The following NCOA1 variants were observed in gnomAD, a reference collection of about 807,000 sequenced individuals.
The protein encoded by NCOA1 is nuclear receptor coactivator 1.
A neutral mutation model predicts 150.9 loss-of-function variants in NCOA1; 35 were observed. That is an observed-to-expected ratio of 0.23 (90% CI 0.18 to 0.31). The LOEUF is 0.31. Ranked by LOEUF, NCOA1 falls within the 10% of genes least tolerant of loss-of-function variation. The pLI is 1.00. For synonymous variants in NCOA1, 590 were observed against 630.0 expected, an observed-to-expected ratio of 0.94 and a Z score of 0.95; for missense variants, 1,491 against 1,749.3, an observed-to-expected ratio of 0.85 and a Z score of 2.63.
chr2:24,697,079 T>A (rs1192723406), intron 10 of NCOA1, among the ~76,000 whole-genome samples: 1 of 152,112 alleles, frequency 6.6e-6, no homozygotes, highest in Non-Finnish European at 1.5e-5. Flanking sequence ...CTAAATTTTA[T>A]AAAGCGTATG....
intron 16 of NCOA1, among the ~76,000 whole-genome samples, chr2:24,729,132 C>A (rs989794867): frequency 2.0e-5 from 3 of 152,128 alleles, no homozygotes; most frequent in African/African-American, 7.2e-5. Flanking sequence ...AATTTTATAT[C>A]TGAGATAGAA....
intron 1 of NCOA1, among the ~76,000 whole-genome samples, chr2:24,508,840 A>G (rs1572361780): frequency 6.6e-6 from 1 of 152,306 alleles, no homozygotes; most frequent in East Asian, 1.9e-4. Flanking sequence ...AGACACACAA[A>G]ATCTCTGGTT....
chr2:24,723,492 G>C (rs1452567650), intron 14 of NCOA1, among the ~76,000 whole-genome samples: 1 of 152,170 alleles, frequency 6.6e-6, no homozygotes, highest in East Asian at 1.9e-4. Flanking sequence ...TTGCCAAATA[G>C]TCCTTTCCAG....
intron 20 of NCOA1, among the ~76,000 whole-genome samples, chr2:24,754,495 T>C (rs1572687062): frequency 6.6e-6 from 1 of 152,344 alleles, no homozygotes; most frequent in Middle Eastern, 3.4e-3. Context: ...TCTGCTGGAA[T>C]GTTCTTCCCT....
chr2:24,638,866 G>T lies in NCOA1; in HGVS notation c.-174-5100G>T, dbSNP rs190685464. ...TCAGATTGTTGTTGTTGTTGTTGCT[G>T]TTGAGATATTTGAGTTCCTTGTATA... On this transcript the variant is annotated intron_variant, in intron 3 of 22. Coordinates refer to ENST00000348332, the MANE Select transcript of NCOA1 (RefSeq NM_003743.5). 5.8e-3 allele frequency among the ~76,000 whole-genome samples: 886 copies of T among 152,224 alleles called. 5 individuals are homozygous for T. The highest frequency in any genetic ancestry group is 0.017 in the Middle Eastern group (5 of 294).
rs1023979528 is a variant in NCOA1 at position 24,610,125 on chromosome 2, T to C, written c.-175+25565T>C. ...TTCTTTGTGACTATAGGCTGCATTC[T>C]TTTTTTTTTTTTTTTTTTTTTGAGA... On this transcript the variant is annotated intron_variant, in intron 3 of 22. Coordinates refer to ENST00000348332, the MANE Select transcript of NCOA1 (RefSeq NM_003743.5). Among the ~76,000 whole-genome samples, 34 of 79,360 alleles carry C rather than the reference T, an allele frequency of 4.3e-4. 1 individual carries two copies. The highest frequency in any genetic ancestry group is 1.4e-3 in the African/African-American group (34 of 23,596). The allele number at this position is 79,360 out of a possible 152,430, so 52.1% of individuals were successfully genotyped here. A position where few individuals can be genotyped will look rare whatever the true frequency, so the allele number is the denominator to read the frequency against.
intron 1 of NCOA1, among the ~76,000 whole-genome samples, chr2:24,553,748 T>C (rs1389182696): frequency 6.6e-6 from 1 of 152,180 alleles, no homozygotes; most frequent in East Asian, 1.9e-4. Flanking sequence ...AGTTTTCTTG[T>C]AGTTTGTTTT....
intron 14 of NCOA1, among the ~76,000 whole-genome samples, chr2:24,723,447 G>A (rs2148629249): frequency 6.6e-6 from 1 of 152,306 alleles, no homozygotes; most frequent in Admixed American, 6.5e-5. Context: ...TGAGATACAA[G>A]TTCTGAATAG....
At chr2:24,608,343 C>T (rs1027179281) in intron 3 of NCOA1, among the ~76,000 whole-genome samples, 8 of 150,038 alleles carry the variant, frequency 5.3e-5, no homozygotes, top group Non-Finnish European at 1.2e-4. Context: ...TGCAGTGGTG[C>T]GATCTCTGCT....
At chr2:24,549,637 G>T (rs548526910) in intron 1 of NCOA1, among the ~76,000 whole-genome samples, 3 of 152,150 alleles carry the variant, frequency 2.0e-5, no homozygotes, top group Non-Finnish European at 4.4e-5. Flanking sequence ...CGCAATCTGG[G>T]CTCACTGCAA....
rs568414881 is a variant in NCOA1, at chr2:24,528,362, T to C, written c.-395-35933T>C. On this transcript the variant is annotated intron_variant, in intron 1 of 22. Coordinates refer to ENST00000348332, the MANE Select transcript of NCOA1 (RefSeq NM_003743.5). ...TTTCATTCTTTTTTTTTTTTTTTTT[T>C]CTGAGACAAGGTCTTGCTTTGTTGC... 2.3e-4 allele frequency among the ~76,000 whole-genome samples: 35 copies of C among 150,864 alleles called. No individual in the cohort carries two copies. In the East Asian group the frequency reaches 2.9e-3, roughly 13 times the overall value.
At chr2:24,509,403 A>G (rs1446421768) in intron 1 of NCOA1, among the ~76,000 whole-genome samples, 2 of 152,216 alleles carry the variant, frequency 1.3e-5, no homozygotes, top group East Asian at 1.9e-4. Context: ...TTGGGGGTCA[A>G]TTAGATGTTG....
chr2:24,531,925 A>G (rs1179339520), intron 1 of NCOA1, among the ~76,000 whole-genome samples: 1 of 152,174 alleles, frequency 6.6e-6, no homozygotes, highest in African/African-American at 2.4e-5. Flanking sequence ...ATACGTGTGC[A>G]TGTGTCTTTA....
intron 3 of NCOA1, among the ~76,000 whole-genome samples, chr2:24,619,007 C>A (rs1364995590): frequency 6.6e-6 from 1 of 152,150 alleles, no homozygotes; most frequent in Non-Finnish European, 1.5e-5. Flanking sequence ...ATGTTACTTA[C>A]TACTTATGTT....
chr2:24,661,855 A>C (rs976669879), intron 5 of NCOA1, among the ~76,000 whole-genome samples: 10 of 152,116 alleles, frequency 6.6e-5, no homozygotes, highest in Non-Finnish European at 1.5e-4. Context: ...GAATCTTCTT[A>C]TGTGTTTTAA....
rs762795122 is a variant in NCOA1, at chr2:24,710,976, G to A, written c.2464G>A (p.Glu822Lys). 9 of 1,614,156 alleles carry A rather than the reference G, an allele frequency of 5.6e-6. No individual in the cohort carries two copies. In the South Asian group the frequency reaches 9.9e-5, roughly 18 times the overall value. The change falls in exon 14 of 23, where the codon GAG becomes AAG. Residue 822 changes from glutamate to lysine, a missense_variant. Around this residue, in one of 8 missense-constraint regions of NCOA1, gnomAD observed 703 missense variants for 717.7 expected, o/e 0.98. Coordinates refer to ENST00000348332, the MANE Select transcript of NCOA1 (RefSeq NM_003743.5). ...DQFDQLLPTL[E>K]KAAQLPGLCE... ...GTTTGATCAGTTACTGCCCACGCTG[G>A]AGAAGGCAGCACAGTTGCCAGGCTT...
chr2:24,559,799 T>A (rs1330067382), intron 1 of NCOA1, among the ~76,000 whole-genome samples: 1 of 152,150 alleles, frequency 6.6e-6, no homozygotes, highest in Non-Finnish European at 1.5e-5. Flanking sequence ...CTTTTGCCTC[T>A]ACCCCTCTCC....
chr2:24,496,434 C>G (rs917290215), intron 1 of NCOA1, among the ~76,000 whole-genome samples: 4 of 152,148 alleles, frequency 2.6e-5, no homozygotes, highest in Non-Finnish European at 4.4e-5. Flanking sequence ...TTACATGTTC[C>G]ATTTTCTTCA....
At position 24,707,451 on chromosome 2, in the gene NCOA1, A is replaced by G. The variant is rs1331020177; in HGVS notation, c.1981A>G (p.Thr661Ala). 6.2e-7 allele frequency: 1 copy of G among 1,614,218 alleles called. No homozygotes were observed. The highest frequency in any genetic ancestry group is 8.5e-7 in the Non-Finnish European group (1 of 1,180,036). Reference sequence around the variant, plus strand: ...AAGCTGCAAAGATGTCCTGTCTTGCACAGGCACTTCCAACTCTGCCTCTGC... The same window carrying G: ...AAGCTGCAAAGATGTCCTGTCTTGCGCAGGCACTTCCAACTCTGCCTCTGC... ...DTSCKDVLSCTGTSNSASANS... is the reference protein window; with the variant it reads ...DTSCKDVLSCAGTSNSASANS... Residue 661 changes from threonine (T) to alanine (A), a missense_variant, in exon 13 of 23, where the codon ACA becomes GCA. Thr to Ala is a moderately conservative substitution (Grantham distance 58). Around this residue, in one of 8 missense-constraint regions of NCOA1, gnomAD observed 703 missense variants for 717.7 expected, o/e 0.98. Transcript: ENST00000348332.
Sources: gnomAD v4.1 joint callset for allele counts (sites outside exome capture counted in the v4.1 genomes callset) on GRCh38, gnomAD v4.1.1 for gene constraint, gnomAD v4.1.1 regional missense constraint, MANE v1.5 for transcripts, NCBI Gene and HGNC (gene_info 2026-07-23, HGNC 2026-07-21) for gene names.